The following PCDHGA1 variants were observed in gnomAD, a reference collection of about 807,000 sequenced individuals.
The protein encoded by PCDHGA1 is protocadherin gamma-A1.
In PCDHGA1, 32 loss-of-function variants were observed where a neutral mutation model predicts 58.0. The observed-to-expected ratio is 0.55, with a 90% CI of 0.42 to 0.74. The LOEUF (loss-of-function observed/expected upper bound fraction) is 0.74, where lower values mean the gene tolerates loss of function less well. Among genes scored for constraint, PCDHGA1 ranks in the 30% least tolerant of loss-of-function variants. PCDHGA1 has a pLI of 0.00. For synonymous variants in PCDHGA1, 498 were observed against 501.1 expected (o/e 0.99, Z 0.08); for missense variants, 1,205 against 1,182.3 (o/e 1.02, Z -0.28).
Position 141,431,972 on chromosome 5 carries a change from G to T in PCDHGA1, c.2422-62835G>T, listed in dbSNP as rs750484866. On this transcript the variant is annotated intron_variant, in intron 1 of 3. Coordinates refer to ENST00000517417, the MANE Select transcript of PCDHGA1 (RefSeq NM_018912.3). The surrounding 1 kb of genome is among the most constrained non-coding windows in gnomAD (Gnocchi z 4.8). ...ATCTTACGGAAATTACTATAGTTTA[G>T]TCACAGACATAGTCTTGGATAGGGA... is the stretch of plus-strand genomic sequence containing the variant. The T allele has an allele frequency of 8.1e-6, 13 of 1,614,072 alleles. No homozygotes were observed. Among genetic ancestry groups the T allele is most frequent in the Non-Finnish European group, 1.1e-5 (13 of 1,180,028 alleles).
chr5:141,357,517 C>T (rs1051091923), intron 1 of PCDHGA1: 6 of 1,614,246 alleles, frequency 3.7e-6, no homozygotes, highest in Non-Finnish European at 5.1e-6. Flanking sequence ...CTTCTCCCAA[C>T]CCAGCTATGC....
At chr5:141,347,899 G>A (rs1758036119) in intron 1 of PCDHGA1, among the ~76,000 whole-genome samples, 1 of 152,112 alleles carries the variant, frequency 6.6e-6, no homozygotes, top group Admixed American at 6.6e-5. Flanking sequence ...CATTTTGCCT[G>A]AGGGTGGAAA....
chr5:141,427,546 C>T (rs779995777), intron 1 of PCDHGA1: 1 of 639,564 alleles, frequency 1.6e-6, no homozygotes, highest in South Asian at 1.5e-5. Context: ...GTCACCATCA[C>T]TGCCACTGAC....
chr5:141,336,294 T>C (rs750223177), intron 1 of PCDHGA1, among the ~76,000 whole-genome samples: 2 of 152,148 alleles, frequency 1.3e-5, no homozygotes, highest in South Asian at 4.1e-4. Flanking sequence ...GGCAGTAGGA[T>C]TGCTTGAGCC....
intron 1 of PCDHGA1, chr5:141,352,382 G>T (rs749766771): frequency 8.7e-6 from 14 of 1,614,026 alleles, no homozygotes; most frequent in Non-Finnish European, 1.1e-5. Flanking sequence ...TCTAGCGATC[G>T]CCCTGCGCCT....
chr5:141,404,758 T>C, intron 1 of PCDHGA1: 1 of 1,613,742 alleles, frequency 6.2e-7, no homozygotes, highest in Non-Finnish European at 8.5e-7. Flanking sequence ...GCCAGAATGC[T>C]TGGCTCTCCT....
At chr5:141,374,343 C>G (rs753543776) in intron 1 of PCDHGA1, 3 of 1,613,872 alleles carry the variant, frequency 1.9e-6, no homozygotes, top group African/African-American at 1.3e-5. Context: ...TTGGTCACCG[C>G]GGGTAGGATA....
intron 1 of PCDHGA1, chr5:141,404,552 G>A: frequency 6.2e-7 from 1 of 1,613,826 alleles, no homozygotes; most frequent in Non-Finnish European, 8.5e-7. Context: ...GCAGGTGACG[G>A]CAAGTGACAG....
Position 141,491,842 on chromosome 5 carries a change from T to C in PCDHGA1, c.2422-2965T>C, listed in dbSNP as rs551615550. The C allele has an allele frequency of 7.5e-6, 11 of 1,464,162 alleles. No homozygotes were observed. In the South Asian group the frequency reaches 1.3e-4, roughly 17 times the overall value. 90.7% of individuals were successfully genotyped at this position (1,464,162 alleles called of 1,614,324 possible). ...GCGCTCCACCCGATTCTCGGGATCA[T>C]TGGACCGTTTGCGCGAAACCAGAGT... On this transcript the variant is annotated intron_variant, in intron 1 of 3. Transcript: ENST00000517417. The surrounding 1 kb of genome is among the most constrained non-coding windows in gnomAD (Gnocchi z 6.9).
At chr5:141,362,741 T>C in intron 1 of PCDHGA1, 1 of 734,108 alleles carries the variant, frequency 1.4e-6, no homozygotes, top group Non-Finnish European at 2.2e-6. Flanking sequence ...TATTTACCCA[T>C]GATTGCAAAC....
intron 1 of PCDHGA1, chr5:141,361,681 G>A: frequency 1.2e-6 from 2 of 1,613,558 alleles, no homozygotes; most frequent in Admixed American, 1.7e-5. Context: ...GGTGGTGTTC[G>A]CGCAGCGCGC....
At chr5:141,427,814 G>T in intron 1 of PCDHGA1, 2 of 1,526,562 alleles carry the variant, frequency 1.3e-6, no homozygotes, top group South Asian at 2.2e-5. Context: ...CACAGAGCGG[G>T]GTGGTGGTCG....
chr5:141,382,701 T>G, intron 1 of PCDHGA1: 2 of 460,044 alleles, frequency 4.3e-6, no homozygotes, highest in Non-Finnish European at 7.6e-6. Flanking sequence ...GTGCGAGAGA[T>G]CCCACAGAAA....
Position 141,490,866 on chromosome 5 carries a change from C to T in PCDHGA1, c.2422-3941C>T, listed in dbSNP as rs1408465290. The T allele has an allele frequency of 6.2e-7, 1 of 1,613,906 alleles. No homozygotes were observed. The highest frequency in any genetic ancestry group is 1.7e-5 in the Admixed American group (1 of 60,012). ...TGGGGGTTCGAGACTCCGGCTCTCC[C>T]CCATTGCATGCCAACACATCTCTGC... On this transcript the variant is annotated intron_variant, in intron 1 of 3. Coordinates refer to ENST00000517417, the MANE Select transcript of PCDHGA1 (RefSeq NM_018912.3). The surrounding 1 kb of genome is among the most constrained non-coding windows in gnomAD (Gnocchi z 5.4).
At chr5:141,466,058 C>T (rs970494567) in intron 1 of PCDHGA1, among the ~76,000 whole-genome samples, 2 of 152,046 alleles carry the variant, frequency 1.3e-5, no homozygotes, top group African/African-American at 4.8e-5. Flanking sequence ...GGAGACGGAG[C>T]TTGCAGTGAG....
chr5:141,440,671 T>C (rs2098194169), intron 1 of PCDHGA1: 1 of 152,210 alleles, frequency 6.6e-6, no homozygotes, highest in African/African-American at 2.4e-5. Context: ...CAACTCTATA[T>C]TTCTCTTTGA....
At chr5:141,422,638 T>C (rs1412270971) in intron 1 of PCDHGA1, 1 of 1,612,392 alleles carries the variant, frequency 6.2e-7, no homozygotes, top group Non-Finnish European at 8.5e-7. Context: ...CAGGGGTGCC[T>C]CCATCTTCTC....
chr5:141,389,649 G>T (rs760551875), intron 1 of PCDHGA1: 16 of 1,612,598 alleles, frequency 9.9e-6, no homozygotes, highest in Non-Finnish European at 1.4e-5. Flanking sequence ...GGTGACCAAG[G>T]TAGTGGCGGT....
At chr5:141,473,884 G>T (rs1162382168) in intron 1 of PCDHGA1, among the ~76,000 whole-genome samples, 1 of 152,162 alleles carries the variant, frequency 6.6e-6, no homozygotes, top group African/African-American at 2.4e-5. Context: ...ATACACAAGG[G>T]TTCTGTTGGT....
Sources: allele counts gnomAD v4.1 joint callset (sites outside exome capture counted in the v4.1 genomes callset), GRCh38; gene constraint gnomAD v4.1.1; non-coding constraint Gnocchi (gnomAD v3.1); transcripts MANE v1.5; gene names NCBI Gene and HGNC (gene_info 2026-07-23, HGNC 2026-07-21).